Variants in EIF1AX observed in about 807,000 individuals in gnomAD.
The protein encoded by EIF1AX is eukaryotic translation initiation factor 1A X-linked, also known as eukaryotic translation initiation factor 1A, X-chromosomal.
EIF1AX carries 1 observed loss-of-function variant against 16.1 expected under a neutral mutation model. The observed-to-expected ratio is 0.06, with a 90% CI of 0.02 to 0.30. The LOEUF (loss-of-function observed/expected upper bound fraction) is 0.30. Ranked by LOEUF, EIF1AX falls within the 10% of genes least tolerant of loss-of-function variation. The probability of loss-of-function intolerance (pLI) is 1.00; values close to 1 mark genes in which losing one functional copy is unlikely to be tolerated. For missense variants in EIF1AX, 11 were observed against 109.1 expected (o/e 0.10, Z 4.00); for synonymous variants, 32 against 37.3 (o/e 0.86, Z 0.51).
chrX:20,128,800 T>C (rs923080540), intron 6 of EIF1AX, among the ~76,000 whole-genome samples: 1 of 111,847 alleles, frequency 8.9e-6, no homozygotes, highest in African/African-American at 3.3e-5. Flanking sequence ...GCCAGCTGGG[T>C]CCAGTTCTGA....
chrX:20,138,820 C>T (rs1384545765), intron 1 of EIF1AX, among the ~76,000 whole-genome samples, 198 bp from the exon 2 acceptor site: 1 of 111,677 alleles, frequency 9.0e-6, no homozygotes, highest in Admixed American at 9.5e-5. Flanking sequence ...ACCTCCCTAC[C>T]CTTCTTGGAA....
At chrX:20,134,036 AT>A in intron 3 of EIF1AX, 29 bp from the exon 4 acceptor site, 2 of 1,158,253 alleles carry the variant, frequency 1.7e-6, no homozygotes, top group South Asian at 3.8e-5. Context: ...TGCCCGTCAC[AT>A]TTAAAATAAC....
chrX:20,141,387 C>T (rs1346733238), intron 1 of EIF1AX, among the ~76,000 whole-genome samples: 1 of 111,954 alleles, frequency 8.9e-6, no homozygotes, highest in African/African-American at 3.2e-5. Context: ...CACATTCTCC[C>T]GCAGGAGGCC....
chrX:20,130,067 CGAG>C (rs2066996534), intron 6 of EIF1AX, among the ~76,000 whole-genome samples: 1 of 110,196 alleles, frequency 9.1e-6, no homozygotes, highest in Non-Finnish European at 1.9e-5. Context: ...TTTGGGAGGC[CGAG>C]GAGGGCAGAT....
rs2066985482 is a variant in EIF1AX at position 20,126,443 on chromosome X, T to C, written c.*1863A>G. The C allele has an allele frequency of 7.4e-6, 1 of 135,763 alleles. No individual in the cohort carries two copies. The highest frequency in any genetic ancestry group is 1.5e-5 in the Non-Finnish European group (1 of 67,747). The allele number at this position is 135,763 out of a possible 1,213,427, so 11.2% of individuals were successfully genotyped here. A position where few individuals can be genotyped will look rare whatever the true frequency, so the allele number is the denominator to read the frequency against. On this transcript the variant is annotated 3_prime_UTR_variant, in exon 7 of 7. Transcript: ENST00000379607. ...CCAGTAAATACATGAACTGGGGTTA[T>C]AGCTGAATTTTTAGAAACTCTCCAG... is the stretch of plus-strand genomic sequence containing the variant.
At chrX:20,135,253 C>G (rs985429004) in intron 3 of EIF1AX, among the ~76,000 whole-genome samples, 2 of 110,510 alleles carry the variant, frequency 1.8e-5, no homozygotes, top group Non-Finnish European at 3.8e-5. Flanking sequence ...CGAAACCAGC[C>G]TAAGCAACAT....
In EIF1AX at chrX:20,124,866, T is replaced by C. The variant is rs1201726905; in HGVS notation, c.*3440A>G. On this transcript the variant is annotated 3_prime_UTR_variant, in exon 7 of 7. Transcript: ENST00000379607. ...GACATGAATGTACAAATATACATTC[T>C]ACGTGTTCCTTCTATTGTACGAATC... The C allele has an allele frequency of 6.8e-6, 1 of 148,085 alleles. No individual in the cohort carries two copies. The highest frequency in any genetic ancestry group is 8.6e-5 in the Admixed American group (1 of 11,660). The allele number at this position is 148,085 out of a possible 1,213,427, so 12.2% of individuals were successfully genotyped here.
chrX:20,139,431 A>T (rs984102209), intron 1 of EIF1AX, among the ~76,000 whole-genome samples: 1 of 111,857 alleles, frequency 8.9e-6, no homozygotes, highest in African/African-American at 3.3e-5. Flanking sequence ...CCTGAAGCTC[A>T]GAGAAGTTAA....
In EIF1AX at chrX:20,130,498, C is replaced by G; in HGVS notation, c.429+18G>C. On this transcript the variant is annotated intron_variant, in intron 6 of 6. Transcript: ENST00000379607. ...GGATAATAACAAAAATTGGAAAACA[C>G]AAGGTACATCTACTTACGTCATCAA... The G allele has an allele frequency of 8.5e-7, 1 of 1,171,516 alleles. No individual in the cohort carries two copies. Among genetic ancestry groups the G allele is most frequent in the Non-Finnish European group, 1.1e-6 (1 of 877,533 alleles).
At chrX:20,131,665 G>A (rs1270489639) in intron 5 of EIF1AX, among the ~76,000 whole-genome samples, 1 of 103,277 alleles carries the variant, frequency 9.7e-6, no homozygotes, top group Non-Finnish European at 2.0e-5. Flanking sequence ...CTAATTACTT[G>A]CCCTTGCTTC....
intron 6 of EIF1AX, 110 bp from the exon 7 acceptor site, chrX:20,128,421 T>C (rs1436021585): frequency 1.7e-6 from 1 of 605,698 alleles, no homozygotes; most frequent in Non-Finnish European, 2.5e-6. Flanking sequence ...GAGAAACAAA[T>C]CCAGTTTGAA....
At chrX:20,132,983 C>A (rs2067005474) in intron 4 of EIF1AX, among the ~76,000 whole-genome samples, 1 of 111,782 alleles carries the variant, frequency 8.9e-6, no homozygotes, top group South Asian at 3.7e-4. Context: ...CTATGGAGAT[C>A]TTATTAAAAT....
chrX:20,133,713 A>G (rs1229611594), intron 4 of EIF1AX, among the ~76,000 whole-genome samples: 1 of 111,071 alleles, frequency 9.0e-6, no homozygotes. Context: ...GCACATACCT[A>G]TGTTGTGATG....
chrX:20,140,713 C>A (rs1270384018), intron 1 of EIF1AX, among the ~76,000 whole-genome samples: 1 of 111,960 alleles, frequency 8.9e-6, no homozygotes, highest in Non-Finnish European at 1.9e-5. Context: ...GAAGTATGCT[C>A]CTCTCCTGTA....
rs1228949333 is a variant in EIF1AX, at chrX:20,126,111, CCAT to C, written c.*2192_*2194del. ...TATTACTCCCTCTTAGCAGTAAGAA[CCAT>C]TATTCTTGGATTTCAAACATTTTAT... On this transcript the variant is annotated 3_prime_UTR_variant, in exon 7 of 7. Transcript: ENST00000379607. 1 of 131,579 alleles carries C rather than the reference CCAT, an allele frequency of 7.6e-6. No individual in the cohort carries two copies. Among genetic ancestry groups the C allele is most frequent in the Non-Finnish European group, 1.5e-5 (1 of 65,641 alleles). 10.8% of individuals were successfully genotyped at this position (131,579 alleles called of 1,213,427 possible). A position where few individuals can be genotyped will look rare whatever the true frequency, so the allele number is the denominator to read the frequency against.
intron 1 of EIF1AX, among the ~76,000 whole-genome samples, chrX:20,140,977 C>G (rs954460569): frequency 1.8e-5 from 2 of 110,910 alleles, no homozygotes; most frequent in African/African-American, 6.6e-5. Flanking sequence ...TTTATTCTCA[C>G]AACATATGCA....
Position 20,124,883 on chromosome X carries a change from G to A in EIF1AX, c.*3423C>T, listed in dbSNP as rs1367044304. 6.7e-6 allele frequency: 1 copy of A among 148,632 alleles called. No homozygotes were observed. The highest frequency in any genetic ancestry group is 3.1e-5 in the African/African-American group (1 of 32,429). 12.2% of individuals were successfully genotyped at this position (148,632 alleles called of 1,213,427 possible). The stretch of plus-strand genomic sequence containing the variant: ...ATACATTCTACGTGTTCCTTCTATT[G>A]TACGAATCAAAGACTGCACGCAAAA... On this transcript the variant is annotated 3_prime_UTR_variant, in exon 7 of 7. Coordinates refer to ENST00000379607, the MANE Select transcript of EIF1AX (RefSeq NM_001412.4).
intron 2 of EIF1AX, among the ~76,000 whole-genome samples, chrX:20,138,252 C>T (rs1269646474): frequency 9.1e-6 from 1 of 109,603 alleles, no homozygotes; most frequent in Admixed American, 9.8e-5. Flanking sequence ...ATCCGCCCGC[C>T]TTGGCCTCCC....
At chrX:20,134,044 T>C in intron 3 of EIF1AX, 37 bp from the exon 4 acceptor site, 1 of 1,137,000 alleles carries the variant, frequency 8.8e-7, no homozygotes, top group Non-Finnish European at 1.2e-6. Flanking sequence ...ACATTTAAAA[T>C]AACGAAGAAT....
Sources: allele counts gnomAD v4.1 joint callset (sites outside exome capture counted in the v4.1 genomes callset), GRCh38; gene constraint gnomAD v4.1.1; transcripts MANE v1.5; gene names NCBI Gene and HGNC (gene_info 2026-07-23, HGNC 2026-07-21).